Variants in PHACTR2 observed in about 807,000 individuals in gnomAD.
PHACTR2 encodes the protein phosphatase and actin regulator 2, also known as chromosome 6 open reading frame 56.
PHACTR2 carries 30 observed loss-of-function variants against 76.0 expected under a neutral mutation model. The ratio of observed to expected loss-of-function variants is 0.39; its 90% CI spans 0.30 to 0.54. The LOEUF (loss-of-function observed/expected upper bound fraction) is 0.54, where lower values mean the gene tolerates loss of function less well. Among genes scored for constraint, PHACTR2 ranks in the 20% least tolerant of loss-of-function variants. PHACTR2 has a pLI of 0.61. For missense variants in PHACTR2, 696 were observed against 781.1 expected (o/e 0.89, Z 1.30); for synonymous variants, 292 against 292.5 (o/e 1.00, Z 0.02).
At chr6:143,670,823 C>A (rs1296924400) in intron 1 of PHACTR2, among the ~76,000 whole-genome samples, 1 of 152,138 alleles carries the variant, frequency 6.6e-6, no homozygotes, top group Non-Finnish European at 1.5e-5. Context: ...TATTACCCAC[C>A]TTTTGAAGCC....
At chr6:143,716,243 C>A (rs1392063683) in intron 2 of PHACTR2, among the ~76,000 whole-genome samples, 1 of 152,150 alleles carries the variant, frequency 6.6e-6, no homozygotes, top group Non-Finnish European at 1.5e-5. Flanking sequence ...TCCAGGTGAG[C>A]AGTATTAGAA....
At chr6:143,729,096 A>G (rs1183581005) in intron 2 of PHACTR2, among the ~76,000 whole-genome samples, 2 of 152,254 alleles carry the variant, frequency 1.3e-5, no homozygotes, top group Non-Finnish European at 2.9e-5. Context: ...TATTCATCCA[A>G]CAATGAACTT....
chr6:143,666,921 C>T (rs564386644), intron 1 of PHACTR2, among the ~76,000 whole-genome samples: 53 of 152,282 alleles, frequency 3.5e-4, no homozygotes, highest in African/African-American at 1.2e-3. Context: ...GTTGCCATTG[C>T]TTTTGGTGTT....
Position 143,617,970 on chromosome 6 carries a change from C to T in PHACTR2, c.13+9648C>T, listed in dbSNP as rs373063245. Reference sequence around the variant, plus strand: ...AAATACTAAAAGTGAAGATTCACCACAGTGGCAAAAACTATTTCTAAAGAG... The same window carrying T: ...AAATACTAAAAGTGAAGATTCACCATAGTGGCAAAAACTATTTCTAAAGAG... On this transcript the variant is annotated intron_variant, in intron 1 of 11. Coordinates refer to the PHACTR2 transcript ENST00000305766. The surrounding 1 kb of genome is among the most constrained non-coding windows in gnomAD (Gnocchi z 4.8). Among the ~76,000 whole-genome samples the T allele has an allele frequency of 1.3e-5, 2 of 152,252 alleles. No homozygotes were observed. The highest frequency in any genetic ancestry group is 4.2e-4 in the South Asian group (2 of 4,818).
rs1000618168 is a variant in PHACTR2 at position 143,619,438 on chromosome 6, A to G, written c.13+11116A>G. Among the ~76,000 whole-genome samples, 2 of 152,252 alleles carry G rather than the reference A, an allele frequency of 1.3e-5. No homozygotes were observed. Among genetic ancestry groups the G allele is most frequent in the African/African-American group, 4.8e-5 (2 of 41,470 alleles). On this transcript the variant is annotated intron_variant, in intron 1 of 11. Transcript: ENST00000305766. The surrounding 1 kb of genome is among the most constrained non-coding windows in gnomAD (Gnocchi z 4.5). ...GCTATTAAGATACTTGCTTATTGCC[A>G]GTGTGAAAGCACATTATTATTAGAA...
At chr6:143,771,192 G>A (rs1032733753) in intron 6 of PHACTR2, among the ~76,000 whole-genome samples, 250 of 16,572 alleles carry the variant, frequency 0.015, 2 homozygotes, top group African/African-American at 0.062. Flanking sequence ...ATATATATGT[G>A]TGTATATATA....
chr6:143,759,972 C>T (rs1779396991), intron 4 of PHACTR2, among the ~76,000 whole-genome samples: 1 of 152,132 alleles, frequency 6.6e-6, no homozygotes, highest in Non-Finnish European at 1.5e-5. Flanking sequence ...TCATTCCTCA[C>T]CCCACAGCAG....
intron 5 of PHACTR2, among the ~76,000 whole-genome samples, chr6:143,762,391 C>A (rs1779463349): frequency 6.6e-6 from 1 of 152,158 alleles, no homozygotes; most frequent in South Asian, 2.1e-4. Context: ...TTTATTTAGG[C>A]ACTCATGATG....
chr6:143,561,271 A>C lies in PHACTR2; in HGVS notation c.217+24064A>C, dbSNP rs1221511050. The stretch of plus-strand genomic sequence containing the variant: ...CCCTGTGATGACAGTCTTAGCACTC[A>C]AGATGTGGTGACCTGTCGGGAAGCG... On this transcript the variant is annotated intron_variant, in intron 1 of 11. Transcript: ENST00000367584. The surrounding 1 kb of genome is among the most constrained non-coding windows in gnomAD (Gnocchi z 4.1). 6.6e-6 allele frequency: 1 copy of C among 152,318 alleles called. No individual in the cohort carries two copies. Among genetic ancestry groups the C allele is most frequent in the Non-Finnish European group, 1.5e-5 (1 of 68,138 alleles). The allele number at this position is 152,318 out of a possible 1,614,324, so 9.4% of individuals were successfully genotyped here.
chr6:143,789,907 A>C lies in PHACTR2; in HGVS notation c.1845+997A>C, dbSNP rs1010012476. On this transcript the variant is annotated intron_variant, in intron 11 of 12. Coordinates refer to ENST00000440869, the MANE Select transcript of PHACTR2 (RefSeq NM_001100164.2). The surrounding 1 kb of genome is among the most constrained non-coding windows in gnomAD (Gnocchi z 5.1). Reference sequence around the variant, plus strand: ...AGAATGTTCAGAACAAGAATAGAAGAGAAGGAGGCTGAGAAAAGCACTCCA... The same window carrying C: ...AGAATGTTCAGAACAAGAATAGAAGCGAAGGAGGCTGAGAAAAGCACTCCA... Among the ~76,000 whole-genome samples the C allele has an allele frequency of 1.3e-5, 2 of 152,240 alleles. No individual in the cohort carries two copies. Among genetic ancestry groups the C allele is most frequent in the African/African-American group, 2.4e-5 (1 of 41,470 alleles).
At chr6:143,715,017 A>G (rs1377177720) in intron 2 of PHACTR2, among the ~76,000 whole-genome samples, 2 of 152,170 alleles carry the variant, frequency 1.3e-5, no homozygotes, top group African/African-American at 4.8e-5. Flanking sequence ...CATCAAAACC[A>G]AACTTACTGA....
intron 4 of PHACTR2, among the ~76,000 whole-genome samples, chr6:143,758,758 T>G (rs1779364436): frequency 6.6e-6 from 1 of 152,200 alleles, no homozygotes; most frequent in Admixed American, 6.5e-5. Context: ...AAGAGGATTT[T>G]GTGGCTGAGG....
chr6:143,665,139 G>A (rs908549688), intron 1 of PHACTR2, among the ~76,000 whole-genome samples: 3 of 152,178 alleles, frequency 2.0e-5, no homozygotes, highest in Admixed American at 6.5e-5. Flanking sequence ...TCCTGTAGAT[G>A]TTTTCAGTGA....
At position 143,806,692 on chromosome 6, in the gene PHACTR2, G is replaced by T. The variant is rs1776073930; in HGVS notation, c.1846-365G>T. On this transcript the variant is annotated intron_variant, in intron 11 of 12. Coordinates refer to ENST00000440869, the MANE Select transcript of PHACTR2 (RefSeq NM_001100164.2). This position sits in a 1 kb window ranked among gnomAD's most constrained non-coding sequence, Gnocchi z 5.8. Reference sequence around the variant, plus strand: ...GTCTAAGCTCAGTATGGTGGCTCATGCCTGTAATTTCAGCACTTTGAGAAA... The same window carrying T: ...GTCTAAGCTCAGTATGGTGGCTCATTCCTGTAATTTCAGCACTTTGAGAAA... 6.6e-6 allele frequency among the ~76,000 whole-genome samples: 1 copy of T among 152,148 alleles called. No individual in the cohort carries two copies. Among genetic ancestry groups the T allele is most frequent in the Non-Finnish European group, 1.5e-5 (1 of 68,034 alleles).
At chr6:143,584,192 T>A (rs1262023015) in intron 1 of PHACTR2, among the ~76,000 whole-genome samples, 1 of 152,214 alleles carries the variant, frequency 6.6e-6, no homozygotes, top group African/African-American at 2.4e-5. Context: ...ATGTTAACTC[T>A]TGACTAGAAC....
In PHACTR2 at chr6:143,659,860, T is replaced by C. The variant is rs1461804759; in HGVS notation, c.13+51538T>C. Among the ~76,000 whole-genome samples the C allele has an allele frequency of 6.6e-6, 1 of 152,218 alleles. No homozygotes were observed. ...CAGGTAATGAATGTTCCTGATTAGC[T>C]TTAGCACTGGTGTATTTCAACCAAA... On this transcript the variant is annotated intron_variant, in intron 1 of 11. Transcript: ENST00000305766. The surrounding 1 kb of genome is among the most constrained non-coding windows in gnomAD (Gnocchi z 5.0).
rs1776661852 is a variant in PHACTR2, at chr6:143,831,173, G to A, written c.*7484G>A. 1 of 152,148 alleles carries A rather than the reference G, an allele frequency of 6.6e-6. No individual in the cohort carries two copies. Among genetic ancestry groups the A allele is most frequent in the African/African-American group, 2.4e-5 (1 of 41,432 alleles). The allele number at this position is 152,148 out of a possible 1,614,324, so 9.4% of individuals were successfully genotyped here. On this transcript the variant is annotated 3_prime_UTR_variant, in exon 13 of 13. Coordinates refer to ENST00000440869, the MANE Select transcript of PHACTR2 (RefSeq NM_001100164.2). This position sits in a 1 kb window ranked among gnomAD's most constrained non-coding sequence, Gnocchi z 5.2. ...GAGTTTATAATATAGAAAATAAACAGACTTCCTCATTATGCTTGCTATTTA... is the reference window on the plus strand; with the variant it reads ...GAGTTTATAATATAGAAAATAAACAAACTTCCTCATTATGCTTGCTATTTA...
In PHACTR2 at chr6:143,623,998, T is replaced by C. The variant is rs1254346968; in HGVS notation, c.13+15676T>C. Among the ~76,000 whole-genome samples the C allele has an allele frequency of 6.6e-6, 1 of 152,182 alleles. No individual in the cohort carries two copies. The highest frequency in any genetic ancestry group is 1.5e-5 in the Non-Finnish European group (1 of 68,024). On this transcript the variant is annotated intron_variant, in intron 1 of 11. Coordinates refer to the PHACTR2 transcript ENST00000305766. This position sits in a 1 kb window ranked among gnomAD's most constrained non-coding sequence, Gnocchi z 5.9. ...CTTGGGGTGAGTGATATGAAGACCC[T>C]GCCTCCCCACCCACTCCCCACCCTG...
At chr6:143,691,426 T>A (rs1002374779) in intron 1 of PHACTR2, among the ~76,000 whole-genome samples, 30 of 152,196 alleles carry the variant, frequency 2.0e-4, no homozygotes, top group African/African-American at 6.8e-4. Flanking sequence ...ATATTTACTG[T>A]TCATGAGCAA....
Sources: gnomAD v4.1 joint callset for allele counts (sites outside exome capture counted in the v4.1 genomes callset) on GRCh38, gnomAD v4.1.1 for gene constraint, Gnocchi (gnomAD v3.1) non-coding constraint, MANE v1.5 for transcripts, NCBI Gene and HGNC (gene_info 2026-07-23, HGNC 2026-07-21) for gene names.